The following GRK3 variants were observed in gnomAD, a reference collection of about 807,000 sequenced individuals.
GRK3 encodes adrenergic, beta, receptor kinase 2.
GRK3 carries 54 observed loss-of-function variants against 95.7 expected under a neutral mutation model. The observed-to-expected ratio is 0.56, with a 90% CI of 0.45 to 0.71. GRK3 has a LOEUF of 0.71. Among genes scored for constraint, GRK3 ranks in the 30% least tolerant of loss-of-function variants. The pLI, the probability that GRK3 is intolerant of heterozygous loss-of-function variation, is 0.00. For synonymous variants in GRK3, 281 were observed against 290.8 expected, an observed-to-expected ratio of 0.97 and a Z score of 0.34; for missense variants, 649 against 851.2, an observed-to-expected ratio of 0.76 and a Z score of 2.96.
At chr22:25,654,526 G>A (rs1384340763) in intron 3 of GRK3, among the ~76,000 whole-genome samples, 1 of 152,140 alleles carries the variant, frequency 6.6e-6, no homozygotes, top group Non-Finnish European at 1.5e-5. Context: ...AATCCAAAAG[G>A]ATTTTACTCA....
At chr22:25,619,446 A>G (rs2084564225) in intron 2 of GRK3, among the ~76,000 whole-genome samples, 1 of 152,074 alleles carries the variant, frequency 6.6e-6, no homozygotes, top group African/African-American at 2.4e-5. Flanking sequence ...ACTCCAAGCT[A>G]AAGCTTTTGA....
intron 12 of GRK3, among the ~76,000 whole-genome samples, 173 bp downstream of exon 12, chr22:25,690,456 C>T (rs1316584438): frequency 6.6e-6 from 1 of 152,180 alleles, no homozygotes; most frequent in Non-Finnish European, 1.5e-5. Flanking sequence ...TCACTGTCTG[C>T]GGAGAGCAGG....
At chr22:25,617,645 A>G (rs1273959684) in intron 2 of GRK3, among the ~76,000 whole-genome samples, 1 of 152,198 alleles carries the variant, frequency 6.6e-6, no homozygotes, top group East Asian at 1.9e-4. Flanking sequence ...TTCAGTCACA[A>G]TAGATTACAT....
intron 1 of GRK3, among the ~76,000 whole-genome samples, chr22:25,588,127 C>T (rs561304924): frequency 4.9e-4 from 74 of 152,150 alleles, no homozygotes; most frequent in African/African-American, 1.4e-3. Context: ...GGGATAGTTT[C>T]AAGTATAAAG....
chr22:25,657,791 CCTTTT>C (rs1468223218), intron 3 of GRK3, among the ~76,000 whole-genome samples: 1 of 151,994 alleles, frequency 6.6e-6, no homozygotes, highest in Non-Finnish European at 1.5e-5. Context: ...TCTTTCCTCT[CCTTTT>C]AAGACTGATT....
intron 2 of GRK3, among the ~76,000 whole-genome samples, chr22:25,622,464 T>G (rs894437074): frequency 2.0e-5 from 3 of 152,106 alleles, no homozygotes; most frequent in Non-Finnish European, 4.4e-5. Flanking sequence ...CAGGGGATCA[T>G]GTGGAGCAGC....
intron 13 of GRK3, among the ~76,000 whole-genome samples, chr22:25,701,129 C>T (rs16980591): frequency 0.026 from 3,909 of 152,286 alleles, 62 homozygotes; most frequent in African/African-American, 0.038. Flanking sequence ...TCCCACAACG[C>T]TCCCTGATGC....
intron 13 of GRK3, among the ~76,000 whole-genome samples, chr22:25,702,640 A>C (rs1448012389): frequency 6.6e-6 from 1 of 152,238 alleles, no homozygotes; most frequent in Non-Finnish European, 1.5e-5. Context: ...AAAACATGAG[A>C]GTGAGAATAA....
rs547810604 is a variant in GRK3, at chr22:25,598,442, C to T, written c.114-5935C>T. 3.6e-4 allele frequency among the ~76,000 whole-genome samples: 54 copies of T among 151,970 alleles called. 1 individual carries two copies. The highest frequency in any genetic ancestry group is 3.3e-3 in the East Asian group (17 of 5,138). On this transcript the variant is annotated intron_variant, in intron 1 of 20. Transcript: ENST00000324198. ...ATCCCAGCACTTTGGGAGTCTGAGC[C>T]GGGAGGATCACTTGAGCCCAGGAGT...
rs12157329 is a variant in GRK3 at position 25,586,458 on chromosome 22, C to G, written c.114-17919C>G. 4.0e-3 allele frequency among the ~76,000 whole-genome samples: 612 copies of G among 152,344 alleles called. 1 individual carries two copies. The highest frequency in any genetic ancestry group is 0.014 in the African/African-American group (581 of 41,544). On this transcript the variant is annotated intron_variant, in intron 1 of 20. Transcript: ENST00000324198. ...CTTATTTCACATTGCATGTCTATAT[C>G]AAAACATTTCATGTCCCCGTAAATA...
chr22:25,687,733 C>T (rs1436085154), intron 11 of GRK3, 66 bp downstream of exon 11: 1 of 1,567,500 alleles, frequency 6.4e-7, no homozygotes, highest in African/African-American at 1.4e-5. Flanking sequence ...TAGAAGTCCC[C>T]TTCTATTTCA....
At chr22:25,714,868 G>A (rs995230906) in intron 18 of GRK3, among the ~76,000 whole-genome samples, 1 of 152,102 alleles carries the variant, frequency 6.6e-6, no homozygotes, top group Non-Finnish European at 1.5e-5. Context: ...GTATGACAGT[G>A]TCTGGAGTGG....
In GRK3 at chr22:25,714,429, C is replaced by T. The variant is rs750627750; in HGVS notation, c.1513C>T (p.Leu505Phe). 11 of 1,608,016 alleles carry T rather than the reference C, an allele frequency of 6.8e-6. No homozygotes were observed. The South Asian group carries it at 1.2e-4, about 18-fold the overall frequency. ...GIKLLDCDQE[L>F]YKNFPLVISE... ...TCAGCTACTTGATTGCGACCAAGAACTCTACAAGAACTTCCCTTTGGTCAT... is the reference window on the plus strand; with the variant it reads ...TCAGCTACTTGATTGCGACCAAGAATTCTACAAGAACTTCCCTTTGGTCAT... Residue 505 changes from leucine (L) to phenylalanine (F), a missense_variant, in exon 18 of 21, where the codon CTC becomes TTC. Leu to Phe is a conservative substitution (Grantham distance 22, BLOSUM62 0). Around this residue, in one of 3 missense-constraint regions of GRK3, gnomAD observed 382 missense variants for 493.8 expected, o/e 0.77. Transcript: ENST00000324198.
intron 13 of GRK3, among the ~76,000 whole-genome samples, chr22:25,698,530 A>G (rs983119451): frequency 3.3e-5 from 5 of 152,174 alleles, no homozygotes; most frequent in African/African-American, 1.2e-4. Context: ...GGATGACAAT[A>G]CAAAGCCTGG....
intron 5 of GRK3, among the ~76,000 whole-genome samples, chr22:25,666,087 C>T (rs78360628): frequency 0.013 from 1,914 of 152,286 alleles, 27 homozygotes; most frequent in Middle Eastern, 0.065. Context: ...CTCCTCATCT[C>T]ACTGTTGAAC....
intron 5 of GRK3, among the ~76,000 whole-genome samples, chr22:25,666,454 A>G (rs2146406506): frequency 6.6e-6 from 1 of 152,276 alleles, no homozygotes. Context: ...CTTCAGAGAG[A>G]GATAATTTAG....
intron 6 of GRK3, among the ~76,000 whole-genome samples, chr22:25,671,235 G>A (rs1330294402): frequency 6.6e-6 from 1 of 151,986 alleles, no homozygotes; most frequent in African/African-American, 2.4e-5. Context: ...AGCTACTCCG[G>A]AGGCTGAGGC....
chr22:25,674,548 A>T lies in GRK3; in HGVS notation c.647+20A>T. On this transcript the variant is annotated intron_variant, in intron 8 of 20. Transcript: ENST00000324198. Reference sequence around the variant, plus strand: ...AAAAATGTAAGCTTTCAATGCTCTTATGTTTTACTGGCACTATTAAAATTT... The same window carrying T: ...AAAAATGTAAGCTTTCAATGCTCTTTTGTTTTACTGGCACTATTAAAATTT... 1.3e-6 allele frequency: 2 copies of T among 1,523,998 alleles called. No homozygotes were observed. The highest frequency in any genetic ancestry group is 1.7e-5 in the Admixed American group (1 of 58,100). The allele number at this position is 1,523,998 out of a possible 1,614,324, so 94.4% of individuals were successfully genotyped here.
intron 1 of GRK3, among the ~76,000 whole-genome samples, chr22:25,571,170 A>G (rs963391636): frequency 2.0e-5 from 3 of 152,088 alleles, no homozygotes; most frequent in African/African-American, 7.2e-5. Context: ...GTGCACCAGA[A>G]AGCCACTGTC....
Sources: allele counts gnomAD v4.1 joint callset (sites outside exome capture counted in the v4.1 genomes callset), GRCh38; gene constraint gnomAD v4.1.1; regional missense constraint gnomAD v4.1.1; transcripts MANE v1.5; gene names NCBI Gene and HGNC (gene_info 2026-07-23, HGNC 2026-07-21).